Variants in XKR4 observed in about 807,000 individuals in gnomAD.
XKR4 encodes the protein XK related 4.
A neutral mutation model predicts 53.9 loss-of-function variants in XKR4; 12 were observed. The observed-to-expected ratio is 0.22, with a 90% CI of 0.14 to 0.36. The LOEUF (loss-of-function observed/expected upper bound fraction) is 0.36. Among genes scored for constraint, XKR4 ranks in the 10% least tolerant of loss-of-function variants. The pLI, the probability that XKR4 is intolerant of heterozygous loss-of-function variation, is 1.00. For synonymous variants in XKR4, 354 were observed against 362.4 expected, an observed-to-expected ratio of 0.98 and a Z score of 0.26; for missense variants, 799 against 859.5, an observed-to-expected ratio of 0.93 and a Z score of 0.88.
chr8:55,117,881 T>A (rs181036105), intron 1 of XKR4, among the ~76,000 whole-genome samples: 1 of 152,332 alleles, frequency 6.6e-6, no homozygotes, highest in East Asian at 1.9e-4. Context: ...GATTTTCTGC[T>A]GACCACCAGG....
chr8:55,476,113 CACAG>C (rs1805980630), intron 2 of XKR4, among the ~76,000 whole-genome samples: 2 of 152,138 alleles, frequency 1.3e-5, no homozygotes, highest in African/African-American at 4.8e-5. Flanking sequence ...CGGGATCACT[CACAG>C]ACAGTCTAAT....
chr8:55,464,286 G>A (rs1242062520), intron 2 of XKR4, among the ~76,000 whole-genome samples: 1 of 152,140 alleles, frequency 6.6e-6, no homozygotes, highest in African/African-American at 2.4e-5. Flanking sequence ...CCATGATCAA[G>A]TGGGCTTCAT....
chr8:55,328,796 T>C (rs6999462), intron 1 of XKR4, among the ~76,000 whole-genome samples: 10,144 of 152,232 alleles, frequency 0.067, 1,098 homozygotes, highest in African/African-American at 0.23. Flanking sequence ...CTTCACAGGG[T>C]TGGCAGTGCC....
At chr8:55,480,736 A>C (rs201205587) in intron 2 of XKR4, among the ~76,000 whole-genome samples, 232 of 140,204 alleles carry the variant, frequency 1.7e-3, no homozygotes, top group African/African-American at 6.5e-3. Context: ...ACAAAAATCA[A>C]AAGCATTCTT....
At chr8:55,184,354 T>C (rs953768748) in intron 1 of XKR4, among the ~76,000 whole-genome samples, 5 of 152,310 alleles carry the variant, frequency 3.3e-5, no homozygotes, top group South Asian at 2.1e-4. Flanking sequence ...TGAAACTAGA[T>C]GTCTCGCAGA....
chr8:55,344,816 G>GA (rs1177771698), intron 1 of XKR4, among the ~76,000 whole-genome samples: 2 of 152,158 alleles, frequency 1.3e-5, no homozygotes, highest in Non-Finnish European at 2.9e-5. Context: ...ATTTAATAGA[G>GA]AAAAAACTTC....
At chr8:55,451,909 T>A in intron 2 of XKR4, 1 of 813,978 alleles carries the variant, frequency 1.2e-6, no homozygotes, top group Non-Finnish European at 2.1e-6. Flanking sequence ...CACTGAGATC[T>A]CCTCCTCCTG....
chr8:55,309,948 T>C (rs16921576), intron 1 of XKR4, among the ~76,000 whole-genome samples: 19,003 of 152,226 alleles, frequency 0.12, 1,484 homozygotes, highest in Non-Finnish European at 0.18. Context: ...TGTCTGAATG[T>C]GCCTTATAGC....
intron 1 of XKR4, among the ~76,000 whole-genome samples, chr8:55,344,269 A>G (rs1444430308): frequency 6.6e-6 from 1 of 152,224 alleles, no homozygotes; most frequent in Non-Finnish European, 1.5e-5. Flanking sequence ...GTAAAATGCT[A>G]TAAGGTAGTG....
At chr8:55,352,759 A>G (rs2129383803) in intron 1 of XKR4, among the ~76,000 whole-genome samples, 1 of 152,358 alleles carries the variant, frequency 6.6e-6, no homozygotes, top group African/African-American at 2.4e-5. Context: ...TTTTAAGCCC[A>G]AAGTCATACC....
intron 1 of XKR4, among the ~76,000 whole-genome samples, chr8:55,317,723 C>A (rs1803115237): frequency 6.6e-6 from 1 of 152,082 alleles, no homozygotes; most frequent in East Asian, 1.9e-4. Flanking sequence ...CCACTGTGGA[C>A]AACTCAGGCA....
chr8:55,289,634 A>AAGG (rs1818960901), intron 1 of XKR4, among the ~76,000 whole-genome samples: 1 of 130,704 alleles, frequency 7.7e-6, no homozygotes, highest in Admixed American at 7.8e-5. Context: ...AGAAAGAAAG[A>AAGG]AAGAAAGAAA....
At chr8:55,330,952 A>G (rs1339271949) in intron 1 of XKR4, among the ~76,000 whole-genome samples, 1 of 152,110 alleles carries the variant, frequency 6.6e-6, no homozygotes, top group East Asian at 1.9e-4. Flanking sequence ...ATTGTGGTAT[A>G]TATACATAAT....
At chr8:55,352,236 T>A (rs1012748571) in intron 1 of XKR4, among the ~76,000 whole-genome samples, 1 of 152,164 alleles carries the variant, frequency 6.6e-6, no homozygotes, top group Admixed American at 6.5e-5. Context: ...TATTATAAAA[T>A]AGTAGAGATT....
chr8:55,180,504 G>A lies in XKR4; in HGVS notation c.806+77210G>A, dbSNP rs145204218. ...GGAACTTGGGAGACATTTTTCTAGCGTCACCAGGTATATTCATACAAAAAT... is the reference window on the plus strand; with the variant it reads ...GGAACTTGGGAGACATTTTTCTAGCATCACCAGGTATATTCATACAAAAAT... On this transcript the variant is annotated intron_variant, in intron 1 of 2. Coordinates refer to ENST00000327381, the MANE Select transcript of XKR4 (RefSeq NM_052898.2). 4.3e-3 allele frequency among the ~76,000 whole-genome samples: 649 copies of A among 152,228 alleles called. 19 individuals carry two copies. Among genetic ancestry groups the A allele is most frequent in the Admixed American group, 0.037 (562 of 15,284 alleles).
At chr8:55,415,538 A>G (rs1027822599) in intron 2 of XKR4, among the ~76,000 whole-genome samples, 115 of 152,298 alleles carry the variant, frequency 7.6e-4, no homozygotes, top group African/African-American at 2.7e-3. Flanking sequence ...GTCTTTGGAT[A>G]GAGAAAAAAA....
chr8:55,193,159 AC>A (rs141227701), intron 1 of XKR4, among the ~76,000 whole-genome samples: 35,621 of 151,786 alleles, frequency 0.23, 4,495 homozygotes, highest in Middle Eastern at 0.36. Context: ...TCCCCCCATT[AC>A]CCGTCGAACT....
chr8:55,472,301 C>G (rs189523403), intron 2 of XKR4, among the ~76,000 whole-genome samples: 373 of 152,218 alleles, frequency 2.5e-3, no homozygotes, highest in Non-Finnish European at 4.9e-3. Flanking sequence ...AAGGGTATAT[C>G]TGGACTTAGA....
At chr8:55,281,426 G>A (rs1261745585) in intron 1 of XKR4, among the ~76,000 whole-genome samples, 1 of 152,208 alleles carries the variant, frequency 6.6e-6, no homozygotes, top group African/African-American at 2.4e-5. Context: ...AGGAATTCAT[G>A]TGCATAGGGA....
Sources: gnomAD v4.1 joint callset for allele counts (sites outside exome capture counted in the v4.1 genomes callset) on GRCh38, gnomAD v4.1.1 for gene constraint, MANE v1.5 for transcripts, NCBI Gene and HGNC (gene_info 2026-07-23, HGNC 2026-07-21) for gene names.